CCSER2: variants seen among roughly 807,000 people sequenced by gnomAD.
The protein encoded by CCSER2 is coiled-coil serine rich protein 2.
CCSER2 carries 46 observed loss-of-function variants against 92.3 expected under a neutral mutation model. The observed-to-expected ratio is 0.50, with a 90% CI of 0.39 to 0.64. CCSER2 has a LOEUF of 0.64. Among genes scored for constraint, CCSER2 ranks in the 30% least tolerant of loss-of-function variants. The pLI, the probability that CCSER2 is intolerant of heterozygous loss-of-function variation, is 0.00. For synonymous variants in CCSER2, 433 were observed against 431.4 expected (o/e 1.00, Z -0.04); for missense variants, 1,244 against 1,238.9 (o/e 1.00, Z -0.06).
chr10:84,479,316 T>C (rs1461196557), intron 9 of CCSER2, among the ~76,000 whole-genome samples: 2 of 152,262 alleles, frequency 1.3e-5, no homozygotes, highest in Non-Finnish European at 2.9e-5. Flanking sequence ...GAGCTAGTAC[T>C]ATAACTTAGG....
chr10:84,330,584 C>T (rs1356052946), intron 1 of CCSER2, among the ~76,000 whole-genome samples: 1 of 152,126 alleles, frequency 6.6e-6, no homozygotes, highest in African/African-American at 2.4e-5. Context: ...CTCATCTCGG[C>T]TCACTGCAAC....
intron 3 of CCSER2, among the ~76,000 whole-genome samples, chr10:84,407,351 ATTTGT>A (rs1842430549): frequency 6.6e-6 from 1 of 151,266 alleles, no homozygotes; most frequent in Non-Finnish European, 1.5e-5. Flanking sequence ...TGCTTCCATC[ATTTGT>A]TTTATTTACT....
intron 3 of CCSER2, among the ~76,000 whole-genome samples, chr10:84,386,767 A>T (rs992947637): frequency 6.6e-6 from 1 of 152,158 alleles, no homozygotes; most frequent in African/African-American, 2.4e-5. Context: ...AAGAAGAATG[A>T]AGCTGTATTC....
chr10:84,373,737 G>A lies in CCSER2; in HGVS notation c.1536G>A (p.Met512Ile), dbSNP rs1333962081. Residue 512 changes from methionine (M) to isoleucine (I), a missense_variant, in exon 3 of 10, where the codon ATG (methionine) becomes ATA (isoleucine). Coordinates refer to ENST00000372088, the MANE Select transcript of CCSER2 (RefSeq NM_001284240.2). ...CTGATAGCTCTGATGGAACATACAT[G>A]TGGGATGAAGAAGGCTTGGAACCCA... is the stretch of plus-strand genomic sequence containing the variant. ...SPSDSSDGTY[M>I]WDEEGLEPIG... 1.9e-6 allele frequency: 3 copies of A among 1,613,642 alleles called. No homozygotes were observed. Among genetic ancestry groups the A allele is most frequent in the Admixed American group, 3.3e-5 (2 of 59,956 alleles).
At chr10:84,481,240 T>A (rs946579294) in intron 9 of CCSER2, among the ~76,000 whole-genome samples, 5 of 152,152 alleles carry the variant, frequency 3.3e-5, no homozygotes, top group Admixed American at 6.5e-5. Context: ...TCCCAACTAT[T>A]TATGTTATGA....
At chr10:84,401,917 G>A (rs1286986599) in intron 3 of CCSER2, among the ~76,000 whole-genome samples, 1 of 152,176 alleles carries the variant, frequency 6.6e-6, no homozygotes, top group Non-Finnish European at 1.5e-5. Context: ...CTGGTGGCCA[G>A]AGGTAAGAAT....
intron 9 of CCSER2, among the ~76,000 whole-genome samples, chr10:84,482,433 G>A (rs1212029039): frequency 6.6e-6 from 1 of 152,116 alleles, no homozygotes; most frequent in Non-Finnish European, 1.5e-5. Context: ...AAAAACTTAC[G>A]AAACTATTTT....
intron 5 of CCSER2, among the ~76,000 whole-genome samples, chr10:84,428,997 A>G (rs199726903): frequency 2.3e-3 from 251 of 109,538 alleles, no homozygotes; most frequent in Middle Eastern, 8.9e-3. Flanking sequence ...ATATATATAT[A>G]TATATATATA....
chr10:84,348,653 A>T (rs1844687880), intron 1 of CCSER2, among the ~76,000 whole-genome samples: 1 of 152,164 alleles, frequency 6.6e-6, no homozygotes, highest in South Asian at 2.1e-4. Flanking sequence ...TAGGTTGAGG[A>T]GGGAGATACA....
At chr10:84,445,458 C>G (rs2133555454) in intron 6 of CCSER2, among the ~76,000 whole-genome samples, 1 of 152,272 alleles carries the variant, frequency 6.6e-6, no homozygotes, top group East Asian at 1.9e-4. Context: ...TGGCCGGTAT[C>G]TCTTTAAGTC....
Position 84,463,940 on chromosome 10 carries a change from G to A in CCSER2, c.2072G>A (p.Gly691Glu), listed in dbSNP as rs781109178. The change falls in exon 7 of 10, where the codon GGA becomes GAA. Residue 691 changes from glycine to glutamate, a missense_variant. Gly to Glu is a moderately conservative substitution (Grantham distance 98). Transcript: ENST00000372088. ...TTCCCTTCTTTCTGACAGCATGATG[G>A]AAGTGGTTCATTGCATGATATTCAA... ...KLKRLLHQHD[G>E]SGSLHDIQLS... 3.1e-6 allele frequency: 5 copies of A among 1,604,680 alleles called. No homozygotes were observed. In the African/African-American group the frequency reaches 6.7e-5, roughly 21 times the overall value.
intron 3 of CCSER2, among the ~76,000 whole-genome samples, chr10:84,387,183 A>G (rs979516826): frequency 1.6e-4 from 25 of 152,112 alleles, no homozygotes; most frequent in Non-Finnish European, 2.1e-4. Flanking sequence ...TATTTTTCTT[A>G]ATGCTCCCAT....
intron 3 of CCSER2, among the ~76,000 whole-genome samples, chr10:84,413,517 T>C (rs552834968): frequency 7.9e-5 from 12 of 152,276 alleles, no homozygotes; most frequent in African/African-American, 2.9e-4. Flanking sequence ...GAGACTGTTA[T>C]GATTTCAGTT....
In CCSER2 at chr10:84,420,848, G is replaced by A. The variant is rs373961000; in HGVS notation, c.1705+2987G>A. 1.3e-4 allele frequency among the ~76,000 whole-genome samples: 19 copies of A among 148,626 alleles called. No individual in the cohort carries two copies. The South Asian group carries it at 3.0e-3, about 23-fold the overall frequency. On this transcript the variant is annotated intron_variant, in intron 4 of 9. Coordinates refer to ENST00000372088, the MANE Select transcript of CCSER2 (RefSeq NM_001284240.2). ...CTTGGGAGACTGAGGCAGGAGAATCGCTTAAACCCGGGAGGCAGAGATTGC... is the reference window on the plus strand; with the variant it reads ...CTTGGGAGACTGAGGCAGGAGAATCACTTAAACCCGGGAGGCAGAGATTGC...
At chr10:84,381,041 G>T (rs1192512525) in intron 3 of CCSER2, among the ~76,000 whole-genome samples, 3 of 152,066 alleles carry the variant, frequency 2.0e-5, no homozygotes, top group African/African-American at 7.2e-5. Flanking sequence ...GTAATTGTAC[G>T]CACCTCCAGG....
chr10:84,459,088 A>G lies in CCSER2; in HGVS notation c.2065-4845A>G, dbSNP rs189248093. On this transcript the variant is annotated intron_variant, in intron 6 of 9. Transcript: ENST00000372088. The stretch of plus-strand genomic sequence containing the variant: ...AGTGGCACGATCTCAGCTCACTGCA[A>G]CCCCTGCTTCCTGGATTCAAGCGAT... Among the ~76,000 whole-genome samples, 103 of 151,922 alleles carry G rather than the reference A, an allele frequency of 6.8e-4. 1 individual carries two copies. The East Asian group carries it at 0.02, about 29-fold the overall frequency.
intron 9 of CCSER2, among the ~76,000 whole-genome samples, chr10:84,498,501 G>A (rs1425178604): frequency 6.7e-6 from 1 of 148,918 alleles, no homozygotes; most frequent in Non-Finnish European, 1.5e-5. Flanking sequence ...GTTTTATATT[G>A]AACAATGTGG....
intron 9 of CCSER2, among the ~76,000 whole-genome samples, chr10:84,493,897 C>T (rs929253506): frequency 4.6e-5 from 7 of 152,174 alleles, no homozygotes; most frequent in African/African-American, 1.7e-4. Flanking sequence ...TATTTTTATG[C>T]AGCTAGATGG....
At chr10:84,475,515 C>T (rs1847087235) in intron 8 of CCSER2, among the ~76,000 whole-genome samples, 1 of 152,060 alleles carries the variant, frequency 6.6e-6, no homozygotes, top group African/African-American at 2.4e-5. Flanking sequence ...TATGATGGTA[C>T]AAAAGTGATA....
Sources: gnomAD v4.1 joint callset for allele counts (sites outside exome capture counted in the v4.1 genomes callset) on GRCh38, gnomAD v4.1.1 for gene constraint, MANE v1.5 for transcripts, NCBI Gene and HGNC (gene_info 2026-07-23, HGNC 2026-07-21) for gene names.